Variants in AVEN observed in about 807,000 individuals in gnomAD.
The protein encoded by AVEN is apoptosis and caspase activation inhibitor.
A neutral mutation model predicts 38.1 loss-of-function variants in AVEN; 41 were observed. The ratio of observed to expected loss-of-function variants is 1.08; its 90% CI spans 0.84 to 1.40. AVEN has a LOEUF of 1.40. Ranked by LOEUF, AVEN falls within the 40% of genes most tolerant of loss-of-function variation. AVEN has a pLI of 0.00. For missense variants in AVEN, 605 were observed against 438.8 expected (o/e 1.38, Z -3.38); for synonymous variants, 206 against 171.8 (o/e 1.20, Z -1.56).
chr15:33,889,385 C>A (rs1891839385), intron 2 of AVEN, among the ~76,000 whole-genome samples: 1 of 152,190 alleles, frequency 6.6e-6, no homozygotes, highest in South Asian at 2.1e-4. Flanking sequence ...TTATTGCTCT[C>A]CCCACTGTTG....
At chr15:33,873,813 T>G (rs1318179335) in intron 3 of AVEN, among the ~76,000 whole-genome samples, 1 of 152,164 alleles carries the variant, frequency 6.6e-6, no homozygotes, top group African/African-American at 2.4e-5. Flanking sequence ...ACCTAGTTAC[T>G]CAAGCTAGAA....
intron 1 of AVEN, among the ~76,000 whole-genome samples, chr15:34,032,023 G>GCACACA (rs10643932): frequency 7.9e-4 from 118 of 148,714 alleles, no homozygotes; most frequent in Non-Finnish European, 1.0e-3. Flanking sequence ...GCGCGCACAC[G>GCACACA]CACACACACA....
downstream of AVEN, among the ~76,000 whole-genome samples, chr15:33,855,097 G>A (rs2079509999): frequency 6.6e-6 from 1 of 152,188 alleles, no homozygotes; most frequent in African/African-American, 2.4e-5. Context: ...AAATGTAACT[G>A]CAACCATCAT....
Position 34,039,160 on chromosome 15 carries a change from A to G in AVEN, c.-114T>C. On this transcript the variant is annotated 5_prime_UTR_variant, in exon 1 of 6. Transcript: ENST00000306730. ...CCGCGAGCGAAAGGCGCCCGGTAGC[A>G]GCGAGGCGCGGGGTGCGGGGCTAGG... 1 of 914,906 alleles carries G rather than the reference A, an allele frequency of 1.1e-6. No homozygotes were observed. Among genetic ancestry groups the G allele is most frequent in the Non-Finnish European group, 1.3e-6 (1 of 755,594 alleles). 56.7% of individuals were successfully genotyped at this position (914,906 alleles called of 1,614,324 possible). A position where few individuals can be genotyped will look rare whatever the true frequency, so the allele number is the denominator to read the frequency against.
At chr15:33,888,758 G>T (rs900461098) in intron 2 of AVEN, among the ~76,000 whole-genome samples, 8 of 151,816 alleles carry the variant, frequency 5.3e-5, no homozygotes, top group African/African-American at 1.9e-4. Context: ...CTTTTTTTGT[G>T]TGTGTGTGTG....
intron 2 of AVEN, among the ~76,000 whole-genome samples, chr15:33,969,449 G>C (rs1248811649): frequency 2.0e-5 from 3 of 151,546 alleles, no homozygotes; most frequent in African/African-American, 7.2e-5. Flanking sequence ...AGAGAGCCCT[G>C]AATGGTGCAT....
At chr15:33,855,009 T>C (rs908389026), downstream of AVEN, 2 of 1,236,042 alleles carry the variant, frequency 1.6e-6, no homozygotes, top group Non-Finnish European at 1.1e-6. Context: ...AAGGAATATG[T>C]CTTGGTATAT....
intron 5 of AVEN, among the ~76,000 whole-genome samples, chr15:34,046,224 A>C (rs1404919504): frequency 6.6e-6 from 1 of 152,146 alleles, no homozygotes; most frequent in African/African-American, 2.4e-5. Flanking sequence ...ACTATCATCC[A>C]AAAAAATAAA....
chr15:33,935,400 A>G (rs1024361603), intron 2 of AVEN, among the ~76,000 whole-genome samples: 1 of 152,188 alleles, frequency 6.6e-6, no homozygotes, highest in Non-Finnish European at 1.5e-5. Flanking sequence ...TCACATAAGG[A>G]TCTAAGTAGC....
At chr15:34,022,110 G>A (rs1286176379) in intron 1 of AVEN, among the ~76,000 whole-genome samples, 2 of 152,230 alleles carry the variant, frequency 1.3e-5, no homozygotes, top group Non-Finnish European at 2.9e-5. Context: ...CACAATGCAT[G>A]ACATTTGAAA....
intron 1 of AVEN, among the ~76,000 whole-genome samples, chr15:34,028,847 CACCACATTGT>C (rs1350377199): frequency 1.3e-5 from 2 of 151,782 alleles, no homozygotes; most frequent in Non-Finnish European, 2.9e-5. Context: ...CATCATCGGC[CACCACATTGT>C]ACCTTCACCT....
intron 2 of AVEN, among the ~76,000 whole-genome samples, chr15:33,940,182 T>C (rs1158041439): frequency 6.6e-6 from 1 of 152,214 alleles, no homozygotes; most frequent in Non-Finnish European, 1.5e-5. Flanking sequence ...GCCTAAGCTA[T>C]GACGCATTTT....
At chr15:33,893,753 T>A (rs183863060) in intron 2 of AVEN, among the ~76,000 whole-genome samples, 83 of 152,300 alleles carry the variant, frequency 5.4e-4, no homozygotes, top group African/African-American at 1.7e-3. Context: ...GGGTGTGCAC[T>A]CTCTGGGTTC....
In AVEN at chr15:33,875,913, C is replaced by G; in HGVS notation, c.516+12G>C. The G allele has an allele frequency of 6.2e-7, 1 of 1,611,672 alleles. No homozygotes were observed. Among genetic ancestry groups the G allele is most frequent in the Non-Finnish European group, 8.5e-7 (1 of 1,177,992 alleles). ...AAGAGCCAGTCCACACTTAACACAA[C>G]TCTTATCTTACCTGTTTTGGACAAG... On this transcript the variant is annotated intron_variant, in intron 3 of 5. Coordinates refer to ENST00000306730, the MANE Select transcript of AVEN (RefSeq NM_020371.3).
Position 34,003,040 on chromosome 15 carries a change from C to G in AVEN, c.437G>C (p.Ser146Thr), listed in dbSNP as rs1310333050. Residue 146 changes from serine (S) to threonine (T), a missense_variant, in exon 2 of 6, where the codon AGC (serine) becomes ACC (threonine). Physicochemically the swap from Ser to Thr is moderately conservative, Grantham distance 58. Coordinates refer to ENST00000306730, the MANE Select transcript of AVEN (RefSeq NM_020371.3). Reference protein sequence around the residue: ...QRGTDFSVLLSSAGDSFSQFR... With the variant: ...QRGTDFSVLLTSAGDSFSQFR... ...GCAACTGGAATTCATACCTGCAGAG[C>G]TAAGGAGGACACTGAAATCTGTTCC... is the stretch of plus-strand genomic sequence containing the variant. 4 of 1,613,306 alleles carry G rather than the reference C, an allele frequency of 2.5e-6. No homozygotes were observed. The highest frequency in any genetic ancestry group is 3.3e-5 in the Admixed American group (2 of 59,890).
In AVEN at chr15:33,917,579, C is replaced by T. The variant is rs556420282; in HGVS notation, c.446-41584G>A. Among the ~76,000 whole-genome samples the T allele has an allele frequency of 1.4e-4, 19 of 139,288 alleles. No homozygotes were observed. The East Asian group carries it at 2.1e-3, about 16-fold the overall frequency. The allele number at this position is 139,288 out of a possible 152,430, so 91.4% of individuals were successfully genotyped here. A position where few individuals can be genotyped will look rare whatever the true frequency, so the allele number is the denominator to read the frequency against. On this transcript the variant is annotated intron_variant, in intron 2 of 5. Coordinates refer to ENST00000306730, the MANE Select transcript of AVEN (RefSeq NM_020371.3). ...GTGTATGTATACACACACACACACA[C>T]AATGGAATACTACATATATATACAC... is the stretch of plus-strand genomic sequence containing the variant.
chr15:33,955,546 T>C (rs545334145), intron 2 of AVEN, among the ~76,000 whole-genome samples: 4 of 152,148 alleles, frequency 2.6e-5, no homozygotes, highest in Non-Finnish European at 4.4e-5. Flanking sequence ...AATACTAAGC[T>C]AGTCAGGAAA....
chr15:33,992,423 C>G (rs1896768281), intron 2 of AVEN, among the ~76,000 whole-genome samples: 1 of 152,064 alleles, frequency 6.6e-6, no homozygotes, highest in South Asian at 2.1e-4. Flanking sequence ...AAATTAGGCC[C>G]AATATTCAAT....
chr15:33,875,556 C>G (rs1891186243), intron 3 of AVEN, among the ~76,000 whole-genome samples: 1 of 152,086 alleles, frequency 6.6e-6, no homozygotes, highest in Non-Finnish European at 1.5e-5. Flanking sequence ...CAACCTAACA[C>G]CAAAAACAGT....
Sources: gnomAD v4.1 joint callset for allele counts (sites outside exome capture counted in the v4.1 genomes callset) on GRCh38, gnomAD v4.1.1 for gene constraint, MANE v1.5 for transcripts, NCBI Gene and HGNC (gene_info 2026-07-23, HGNC 2026-07-21) for gene names.